CDH18: variants seen among roughly 807,000 people sequenced by gnomAD.
The protein encoded by CDH18 is cadherin-18.
In CDH18, 31 loss-of-function variants were observed where a neutral mutation model predicts 67.9. The ratio of observed to expected loss-of-function variants is 0.46; its 90% CI spans 0.34 to 0.62. CDH18 has a LOEUF of 0.62. Ranked by LOEUF, CDH18 falls within the 20% of genes least tolerant of loss-of-function variation. The probability of loss-of-function intolerance (pLI) is 0.01; values close to 1 mark genes in which losing one functional copy is unlikely to be tolerated. For missense variants in CDH18, 890 were observed against 975.5 expected (o/e 0.91, Z 1.17); for synonymous variants, 362 against 347.2 (o/e 1.04, Z -0.48).
chr5:20,141,276 G>T (rs1443416857), intron 2 of CDH18, among the ~76,000 whole-genome samples: 1 of 152,118 alleles, frequency 6.6e-6, no homozygotes, highest in Non-Finnish European at 1.5e-5. Flanking sequence ...TAGTTAAATT[G>T]ACTTGATGAT....
At chr5:19,843,012 T>C (rs1782517451) in intron 2 of CDH18, among the ~76,000 whole-genome samples, 2 of 152,174 alleles carry the variant, frequency 1.3e-5, no homozygotes, top group South Asian at 4.1e-4. Flanking sequence ...AAGCACAGCA[T>C]AAAAGTTTGG....
chr5:20,113,532 CAT>C (rs879017010), intron 2 of CDH18, among the ~76,000 whole-genome samples: 1 of 152,154 alleles, frequency 6.6e-6, no homozygotes, highest in Admixed American at 6.5e-5. Context: ...AGCTGTGATA[CAT>C]GAGGCATGAC....
chr5:19,974,462 T>C lies in CDH18; in HGVS notation c.-257+6598A>G, dbSNP rs1798308544. Among the ~76,000 whole-genome samples the C allele has an allele frequency of 2.3e-5, 3 of 132,590 alleles. No homozygotes were observed. In the South Asian group the frequency reaches 7.1e-4, roughly 31 times the overall value. 87.0% of individuals were successfully genotyped at this position (132,590 alleles called of 152,430 possible). On this transcript the variant is annotated intron_variant, in intron 2 of 12. Transcript: ENST00000382275. ...AGAATCCAGGAGGCAGAGGTTGCAG[T>C]GAGCCGAGATCACACCATTGCACTC...
At chr5:20,478,850 G>C (rs73764408) in intron 1 of CDH18, among the ~76,000 whole-genome samples, 1,988 of 152,216 alleles carry the variant, frequency 0.013, 38 homozygotes, top group South Asian at 0.049. Context: ...TCCCAGTGAT[G>C]ATGGCCACAG....
chr5:19,511,747 T>A (rs907865490), intron 10 of CDH18, among the ~76,000 whole-genome samples: 1 of 152,126 alleles, frequency 6.6e-6, no homozygotes, highest in African/African-American at 2.4e-5. Flanking sequence ...TTTATGCATT[T>A]CAAAGGGATG....
intron 2 of CDH18, among the ~76,000 whole-genome samples, chr5:19,897,879 G>T (rs147830135): frequency 7.2e-5 from 11 of 151,726 alleles, no homozygotes; most frequent in African/African-American, 2.7e-4. Flanking sequence ...AACCTTGTAG[G>T]GGGTGAACAG....
chr5:20,051,994 C>T (rs1156301320), intron 2 of CDH18, among the ~76,000 whole-genome samples: 1 of 151,996 alleles, frequency 6.6e-6, no homozygotes, highest in Non-Finnish European at 1.5e-5. Context: ...TATGGATTTT[C>T]CATTAGGTGA....
chr5:19,835,454 CT>C (rs200180757), intron 3 of CDH18, among the ~76,000 whole-genome samples: 170 of 151,380 alleles, frequency 1.1e-3, no homozygotes, highest in African/African-American at 3.8e-3. Context: ...ACATGTATCC[CT>C]TTTTTTTGTT....
At chr5:19,681,296 G>T (rs1760281101) in intron 5 of CDH18, among the ~76,000 whole-genome samples, 1 of 151,892 alleles carries the variant, frequency 6.6e-6, no homozygotes, top group Non-Finnish European at 1.5e-5. Flanking sequence ...TATGCTGATT[G>T]CCTAAATGAC....
intron 10 of CDH18, among the ~76,000 whole-genome samples, chr5:19,505,624 T>A (rs1380552018): frequency 6.6e-6 from 1 of 152,114 alleles, no homozygotes; most frequent in Non-Finnish European, 1.5e-5. Context: ...TTAGCTTTAT[T>A]GATTTGCATA....
intron 2 of CDH18, among the ~76,000 whole-genome samples, chr5:20,246,023 A>T (rs993805182): frequency 6.6e-6 from 1 of 152,148 alleles, no homozygotes; most frequent in East Asian, 1.9e-4. Flanking sequence ...AAAGACTACC[A>T]CAATTTGTGG....
In CDH18 at chr5:19,616,452, A is replaced by G. The variant is rs141744921; in HGVS notation, c.644-3851T>C. Among the ~76,000 whole-genome samples the G allele has an allele frequency of 8.5e-5, 13 of 152,228 alleles. No individual in the cohort carries two copies. The East Asian group carries it at 2.3e-3, about 27-fold the overall frequency. On this transcript the variant is annotated intron_variant, in intron 5 of 12. Transcript: ENST00000382275. ...TCATATGCAATGATTTTCTCAGGAA[A>G]TTTTCAGATTACCTTGTCCTAGCTT...
intron 2 of CDH18, among the ~76,000 whole-genome samples, chr5:19,954,081 A>G (rs1796040416): frequency 6.6e-6 from 1 of 151,998 alleles, no homozygotes; most frequent in Non-Finnish European, 1.5e-5. Context: ...TCATTTCAGG[A>G]CCTATTATAT....
intron 1 of CDH18, among the ~76,000 whole-genome samples, chr5:20,377,406 T>C (rs1743550450): frequency 6.6e-6 from 1 of 152,208 alleles, no homozygotes; most frequent in Non-Finnish European, 1.5e-5. Context: ...CATCATTGTT[T>C]GAATTGCTTC....
chr5:20,366,673 AGTT>A (rs1418003836), intron 1 of CDH18, among the ~76,000 whole-genome samples: 1 of 152,168 alleles, frequency 6.6e-6, no homozygotes, highest in Non-Finnish European at 1.5e-5. Context: ...TCATCAACAG[AGTT>A]GTTGTAAAGA....
chr5:20,450,070 G>A (rs1375096061), intron 1 of CDH18, among the ~76,000 whole-genome samples: 4 of 152,012 alleles, frequency 2.6e-5, no homozygotes, highest in Non-Finnish European at 5.9e-5. Context: ...GGGTGCAGTG[G>A]CTTACACATG....
chr5:20,239,073 C>G (rs1237003408), intron 2 of CDH18, among the ~76,000 whole-genome samples: 3 of 152,104 alleles, frequency 2.0e-5, no homozygotes, highest in Admixed American at 2.0e-4. Flanking sequence ...TTGATACATG[C>G]TATCATATGG....
intron 2 of CDH18, among the ~76,000 whole-genome samples, chr5:20,129,350 A>G (rs1749080852): frequency 6.6e-6 from 1 of 152,100 alleles, no homozygotes; most frequent in African/African-American, 2.4e-5. Flanking sequence ...TGCTATTAGA[A>G]AACATACATT....
At chr5:20,114,089 A>G (rs1311310964) in intron 2 of CDH18, among the ~76,000 whole-genome samples, 1 of 152,238 alleles carries the variant, frequency 6.6e-6, no homozygotes, top group Non-Finnish European at 1.5e-5. Flanking sequence ...GTATATGTCT[A>G]TAAGCGGGAC....
Sources: gnomAD v4.1 joint callset for allele counts (sites outside exome capture counted in the v4.1 genomes callset) on GRCh38, gnomAD v4.1.1 for gene constraint, MANE v1.5 for transcripts, NCBI Gene and HGNC (gene_info 2026-07-23, HGNC 2026-07-21) for gene names.